The following OSBPL6 variants were observed in gnomAD, a reference collection of about 807,000 sequenced individuals.
OSBPL6 encodes the protein oxysterol-binding protein-related protein 6.
In OSBPL6, 49 loss-of-function variants were observed where a neutral mutation model predicts 125.8. The ratio of observed to expected loss-of-function variants is 0.39; its 90% CI spans 0.31 to 0.49. OSBPL6 has a LOEUF of 0.49. Among genes scored for constraint, OSBPL6 ranks in the 20% least tolerant of loss-of-function variants. OSBPL6 has a pLI of 0.88. For missense variants in OSBPL6, 986 were observed against 1,135.4 expected (o/e 0.87, Z 1.89); for synonymous variants, 394 against 391.8 (o/e 1.01, Z -0.07).
Position 178,332,544 on chromosome 2 carries a change from T to C in OSBPL6, c.373-97T>C, listed in dbSNP as rs575838672. Reference sequence around the variant, plus strand: ...GGTATATGTAGTATTCCACTTCCCATAGATAAGTTAAAGATTACTTTGAGT... The same window carrying C: ...GGTATATGTAGTATTCCACTTCCCACAGATAAGTTAAAGATTACTTTGAGT... On this transcript the variant is annotated intron_variant, in intron 6 of 24. Transcript: ENST00000190611. 203 of 854,286 alleles carry C rather than the reference T, an allele frequency of 2.4e-4. No homozygotes were observed. In the Middle Eastern group the frequency reaches 0.01, roughly 44 times the overall value. 52.9% of individuals were successfully genotyped at this position (854,286 alleles called of 1,614,324 possible). A position where few individuals can be genotyped will look rare whatever the true frequency, so the allele number is the denominator to read the frequency against.
In OSBPL6 at chr2:178,201,445, T is replaced by C. The variant is rs1399286088; in HGVS notation, c.-351+6771T>C. Among the ~76,000 whole-genome samples the C allele has an allele frequency of 3.3e-5, 5 of 152,338 alleles. No individual in the cohort carries two copies. The East Asian group carries it at 9.6e-4, about 29-fold the overall frequency. The stretch of plus-strand genomic sequence containing the variant: ...TGCCCAGGCAGGAGTGCAGTGGCTA[T>C]TCACAGACATGATCATGGTGCACTA... On this transcript the variant is annotated intron_variant, in intron 1 of 24. Transcript: ENST00000190611.
At chr2:178,229,659 A>G (rs2090731459) in intron 1 of OSBPL6, among the ~76,000 whole-genome samples, 1 of 152,102 alleles carries the variant, frequency 6.6e-6, no homozygotes, top group African/African-American at 2.4e-5. Flanking sequence ...GCGAAAACTC[A>G]TCTCTACCGA....
chr2:178,241,500 C>A (rs957028045), intron 1 of OSBPL6, among the ~76,000 whole-genome samples: 1 of 151,282 alleles, frequency 6.6e-6, no homozygotes, highest in African/African-American at 2.4e-5. Flanking sequence ...ACTGCAACCT[C>A]CACATCCTGG....
intron 15 of OSBPL6, among the ~76,000 whole-genome samples, chr2:178,377,623 G>A (rs990483199): frequency 1.4e-4 from 21 of 152,144 alleles, no homozygotes; most frequent in African/African-American, 1.4e-4. Flanking sequence ...CTCAAGCTAC[G>A]TATCCTGCAC....
chr2:178,389,349 A>G (rs1695209744), intron 21 of OSBPL6, among the ~76,000 whole-genome samples, 196 bp downstream of exon 21: 1 of 152,206 alleles, frequency 6.6e-6, no homozygotes, highest in Non-Finnish European at 1.5e-5. Flanking sequence ...TGGAGGTCAA[A>G]AAAGGCATCA....
chr2:178,396,018 GTGT>G lies in OSBPL6; in HGVS notation c.*460_*462del. On this transcript the variant is annotated 3_prime_UTR_variant, in exon 25 of 25. Coordinates refer to ENST00000190611, the MANE Select transcript of OSBPL6 (RefSeq NM_032523.4). Reference sequence around the variant, plus strand: ...CAGTCGGTCAGTGCAGACTTCAAGTGTGTCTGTTTGATGTGGTGTGATTGTGCT... The same window carrying G: ...CAGTCGGTCAGTGCAGACTTCAAGTGCTGTTTGATGTGGTGTGATTGTGCT... The G allele has an allele frequency of 3.3e-6, 1 of 299,230 alleles. No homozygotes were observed. The highest frequency in any genetic ancestry group is 7.8e-5 in the East Asian group (1 of 12,842). The allele number at this position is 299,230 out of a possible 1,614,324, so 18.5% of individuals were successfully genotyped here. A position where few individuals can be genotyped will look rare whatever the true frequency, so the allele number is the denominator to read the frequency against.
At chr2:178,377,524 C>A (rs1445156355) in intron 15 of OSBPL6, among the ~76,000 whole-genome samples, 2 of 152,170 alleles carry the variant, frequency 1.3e-5, no homozygotes, top group Non-Finnish European at 2.9e-5. Context: ...CCCCAGAAGG[C>A]TCCTCACGCC....
At chr2:178,208,387 C>T (rs2089652596) in intron 1 of OSBPL6, among the ~76,000 whole-genome samples, 1 of 151,908 alleles carries the variant, frequency 6.6e-6, no homozygotes, top group South Asian at 2.1e-4. Context: ...GAAAAAAATG[C>T]TCTTAAAATT....
intron 1 of OSBPL6, among the ~76,000 whole-genome samples, chr2:178,200,523 A>T (rs1019872737): frequency 2.6e-5 from 4 of 152,102 alleles, no homozygotes; most frequent in African/African-American, 9.7e-5. Flanking sequence ...AAGTGCTGAC[A>T]TTACAGGTGT....
rs144598220 is a variant in OSBPL6 at position 178,210,124 on chromosome 2, A to T, written c.-351+15450A>T. Among the ~76,000 whole-genome samples, 286 of 152,098 alleles carry T rather than the reference A, an allele frequency of 1.9e-3. 1 individual carries two copies. The highest frequency in any genetic ancestry group is 6.2e-3 in the African/African-American group (256 of 41,490). On this transcript the variant is annotated intron_variant, in intron 1 of 24. Coordinates refer to ENST00000190611, the MANE Select transcript of OSBPL6 (RefSeq NM_032523.4). The stretch of plus-strand genomic sequence containing the variant: ...AACCTCTGCCTCCCGGGTTGAAGAG[A>T]TTCTCCTGCCTCAGCGTCCTGAGTA...
In OSBPL6 at chr2:178,288,142, G is replaced by A. The variant is rs114173446; in HGVS notation, c.-156+3021G>A. ...GTAGTGGAAATGGAGAGAATAGCAA[G>A]CAGGAATTGGCAATGCAGACACCAT... On this transcript the variant is annotated intron_variant, in intron 2 of 24. Transcript: ENST00000190611. 9.7e-3 allele frequency among the ~76,000 whole-genome samples: 1,478 copies of A among 152,250 alleles called. 16 individuals are homozygous for A. The highest frequency in any genetic ancestry group is 0.016 in the Non-Finnish European group (1,076 of 68,014).
intron 1 of OSBPL6, among the ~76,000 whole-genome samples, chr2:178,221,209 TG>T (rs1241978479): frequency 5.3e-5 from 8 of 152,094 alleles, no homozygotes; most frequent in Non-Finnish European, 1.2e-4. Context: ...AGTTTAGAGA[TG>T]GCCAGAGAAA....
chr2:178,260,222 T>A (rs1033509214), intron 1 of OSBPL6, among the ~76,000 whole-genome samples: 30 of 152,306 alleles, frequency 2.0e-4, no homozygotes, highest in African/African-American at 5.8e-4. Flanking sequence ...AATGAATTGT[T>A]TTTTTAGAAG....
At chr2:178,376,333 C>G (rs994088106) in intron 15 of OSBPL6, among the ~76,000 whole-genome samples, 2 of 152,122 alleles carry the variant, frequency 1.3e-5, no homozygotes, top group Admixed American at 1.3e-4. Flanking sequence ...CTATTCACAC[C>G]AAATGCCTGA....
chr2:178,315,062 A>C (rs1163099537), intron 3 of OSBPL6, among the ~76,000 whole-genome samples: 1 of 152,228 alleles, frequency 6.6e-6, no homozygotes, highest in South Asian at 2.1e-4. Flanking sequence ...CTAAAATGTT[A>C]ATAGTTATTA....
intron 20 of OSBPL6, among the ~76,000 whole-genome samples, chr2:178,388,234 T>G (rs1695111053): frequency 6.6e-6 from 1 of 152,208 alleles, no homozygotes; most frequent in East Asian, 1.9e-4. Context: ...TTGTAATAGA[T>G]TTGTGCCATC....
intron 1 of OSBPL6, among the ~76,000 whole-genome samples, chr2:178,206,334 A>G (rs1269477668): frequency 6.6e-6 from 1 of 152,202 alleles, no homozygotes; most frequent in Non-Finnish European, 1.5e-5. Context: ...ATGACATAGC[A>G]ATGAGACTGA....
At chr2:178,303,985 C>T (rs888983940) in intron 2 of OSBPL6, among the ~76,000 whole-genome samples, 3 of 152,172 alleles carry the variant, frequency 2.0e-5, no homozygotes. Context: ...AATCAAAATG[C>T]CAATGTCTTA....
chr2:178,317,508 AT>A (rs1687864666), intron 3 of OSBPL6, among the ~76,000 whole-genome samples: 1 of 146,408 alleles, frequency 6.8e-6, no homozygotes, highest in African/African-American at 2.5e-5. Context: ...TTCAGCAAAC[AT>A]TTATGAGAAC....
Sources: gnomAD v4.1 joint callset for allele counts (sites outside exome capture counted in the v4.1 genomes callset) on GRCh38, gnomAD v4.1.1 for gene constraint, MANE v1.5 for transcripts, NCBI Gene and HGNC (gene_info 2026-07-23, HGNC 2026-07-21) for gene names.